Variants in NRXN1 observed in about 807,000 individuals in gnomAD.
The protein encoded by NRXN1 is neurexin-1.
NRXN1 carries 39 observed loss-of-function variants against 150.9 expected under a neutral mutation model. The ratio of observed to expected loss-of-function variants is 0.26; its 90% confidence interval spans 0.20 to 0.34. The LOEUF is 0.34. Ranked by LOEUF, NRXN1 falls within the 10% of genes least tolerant of loss-of-function variation. The pLI, the probability that NRXN1 is intolerant of heterozygous loss-of-function variation, is 1.00. For missense variants in NRXN1, 1,815 were observed against 1,949.9 expected (o/e 0.93, Z 1.30); for synonymous variants, 924 against 757.0 (o/e 1.22, Z -3.62).
At position 50,740,596 on chromosome 2, in the gene NRXN1, A is replaced by G. The variant is rs148746500; in HGVS notation, c.833-116981T>C. 5.8e-4 allele frequency among the ~76,000 whole-genome samples: 89 copies of G among 152,248 alleles called. No individual in the cohort carries two copies. The East Asian group carries it at 0.01, about 17-fold the overall frequency. On this transcript the variant is annotated intron_variant, in intron 5 of 22. Transcript: ENST00000401669. ...GATCACATTTCTGTATGTGTGTTTG[A>G]CTGTGTGAATATGTGTGCCTGTGTA...
chr2:50,645,812 G>T (rs1402265347), intron 5 of NRXN1, among the ~76,000 whole-genome samples: 1 of 151,908 alleles, frequency 6.6e-6, no homozygotes, highest in Non-Finnish European at 1.5e-5. Context: ...CTCAAAGAAT[G>T]CTATTGCCTG....
At chr2:50,997,942 T>C (rs1699542262) in intron 2 of NRXN1, among the ~76,000 whole-genome samples, 1 of 141,510 alleles carries the variant, frequency 7.1e-6, no homozygotes, top group African/African-American at 3.0e-5. Flanking sequence ...TGAAGTGCCA[T>C]GATGAGTTCC....
intron 18 of NRXN1, among the ~76,000 whole-genome samples, chr2:50,144,754 TTC>T (rs1707768114): frequency 6.6e-6 from 1 of 151,816 alleles, no homozygotes; most frequent in Non-Finnish European, 1.5e-5. Flanking sequence ...AGTCGATAAT[TTC>T]TGTTACTAGA....
rs1670437364 is a variant in NRXN1, at chr2:50,826,296, TAA to T, written c.832+95571_832+95572del. Among the ~76,000 whole-genome samples, 3 of 151,980 alleles carry T rather than the reference TAA, an allele frequency of 2.0e-5. No homozygotes were observed. The South Asian group carries it at 6.2e-4, about 32-fold the overall frequency. On this transcript the variant is annotated intron_variant, in intron 5 of 22. Coordinates refer to ENST00000401669, the MANE Select transcript of NRXN1 (RefSeq NM_001330078.2). ...CTGGGGACAGTTTTACAAATAAAAG[TAA>T]AAACAAGTATGAAAGCCCCAACTAG... is the stretch of plus-strand genomic sequence containing the variant.
At chr2:49,953,166 A>C (rs779872432) in intron 21 of NRXN1, among the ~76,000 whole-genome samples, 3 of 152,166 alleles carry the variant, frequency 2.0e-5, no homozygotes, top group African/African-American at 4.8e-5. Context: ...TGGAGTATAG[A>C]ACAGCAAGAA....
At chr2:50,166,570 G>A (rs1193240827) in intron 18 of NRXN1, among the ~76,000 whole-genome samples, 2 of 151,988 alleles carry the variant, frequency 1.3e-5, no homozygotes, top group Non-Finnish European at 2.9e-5. Flanking sequence ...ACAGACATGT[G>A]ATCTACAGAA....
At chr2:50,216,189 C>T (rs1559108144) in intron 18 of NRXN1, among the ~76,000 whole-genome samples, 1 of 151,640 alleles carries the variant, frequency 6.6e-6, no homozygotes, top group Non-Finnish European at 1.5e-5. Context: ...CCACGGCACC[C>T]CAGCCTGGGT....
At chr2:50,441,584 G>T (rs182655004) in intron 17 of NRXN1, among the ~76,000 whole-genome samples, 10 of 152,258 alleles carry the variant, frequency 6.6e-5, no homozygotes, top group Admixed American at 6.5e-4. Flanking sequence ...AATAGGAAAA[G>T]AATGGGGTTG....
chr2:50,261,753 G>C (rs567130214), intron 17 of NRXN1, among the ~76,000 whole-genome samples: 44 of 151,888 alleles, frequency 2.9e-4, no homozygotes, highest in African/African-American at 1.0e-3. Flanking sequence ...TCTTCCATCA[G>C]AGCAGTGTCT....
intron 17 of NRXN1, chr2:50,417,191 T>C (rs959930551): frequency 7.9e-5 from 12 of 152,112 alleles, no homozygotes; most frequent in Non-Finnish European, 1.8e-4. Flanking sequence ...GTTGTATCTG[T>C]ATCTGCCTGC....
At chr2:50,886,457 A>T (rs1253841027) in intron 5 of NRXN1, among the ~76,000 whole-genome samples, 2 of 151,416 alleles carry the variant, frequency 1.3e-5, no homozygotes, top group Non-Finnish European at 3.0e-5. Context: ...TCTAATTTTA[A>T]AAAAGGAAAT....
intron 17 of NRXN1, among the ~76,000 whole-genome samples, chr2:50,329,907 C>T (rs918671601): frequency 4.6e-5 from 7 of 151,024 alleles, no homozygotes; most frequent in Non-Finnish European, 7.4e-5. Context: ...ATCCTGACCT[C>T]GTGACCCACC....
At chr2:50,964,578 G>C (rs1693750174) in intron 2 of NRXN1, among the ~76,000 whole-genome samples, 1 of 151,316 alleles carries the variant, frequency 6.6e-6, no homozygotes, top group Non-Finnish European at 1.5e-5. Flanking sequence ...GTCTCCAAAA[G>C]GATTTTGCAT....
chr2:50,083,815 T>C (rs1438963960), intron 19 of NRXN1, among the ~76,000 whole-genome samples: 2 of 151,636 alleles, frequency 1.3e-5, no homozygotes, highest in East Asian at 3.9e-4. Flanking sequence ...AGATACAGAG[T>C]GCTGATTGGT....
At chr2:50,232,290 T>A (rs1377083544) in intron 18 of NRXN1, among the ~76,000 whole-genome samples, 1 of 152,002 alleles carries the variant, frequency 6.6e-6, no homozygotes, top group African/African-American at 2.4e-5. Context: ...TGGGTCATAT[T>A]AGGTGCTAAA....
intron 2 of NRXN1, among the ~76,000 whole-genome samples, chr2:50,968,823 C>T (rs894988301): frequency 1.3e-5 from 2 of 152,038 alleles, no homozygotes; most frequent in Non-Finnish European, 2.9e-5. Context: ...TTTAAAGACA[C>T]CAGTAATCTC....
At chr2:50,709,882 G>T (rs892406271) in intron 5 of NRXN1, among the ~76,000 whole-genome samples, 5 of 152,250 alleles carry the variant, frequency 3.3e-5, no homozygotes, top group Admixed American at 1.3e-4. Flanking sequence ...AGGCTATCAA[G>T]AATTCAATTA....
At chr2:50,468,504 G>C (rs1360717901) in intron 16 of NRXN1, among the ~76,000 whole-genome samples, 2 of 151,362 alleles carry the variant, frequency 1.3e-5, no homozygotes, top group East Asian at 3.9e-4. Flanking sequence ...TTTCTTTTTA[G>C]TTATGTAATA....
chr2:50,113,931 G>A (rs116378304), intron 18 of NRXN1, among the ~76,000 whole-genome samples: 6 of 152,092 alleles, frequency 3.9e-5, no homozygotes, highest in African/African-American at 1.2e-4. Context: ...GACTATGTGG[G>A]ATGCTATAGA....
Sources: gnomAD v4.1 joint callset for allele counts (sites outside exome capture counted in the v4.1 genomes callset) on GRCh38, gnomAD v4.1.1 for gene constraint, MANE v1.5 for transcripts, NCBI Gene and HGNC (gene_info 2026-07-23, HGNC 2026-07-21) for gene names.